Variants in VPS13B observed in about 807,000 individuals in gnomAD.
VPS13B encodes vacuolar protein sorting 13 homolog B.
In VPS13B, 285 loss-of-function variants were observed where a neutral mutation model predicts 426.4. The observed-to-expected ratio is 0.67, with a 90% CI of 0.61 to 0.74. The LOEUF (loss-of-function observed/expected upper bound fraction) is 0.74. VPS13B is among the 30% of genes least tolerant of loss of function. The pLI, the probability that VPS13B is intolerant of heterozygous loss-of-function variation, is 0.00. For synonymous variants in VPS13B, 1,676 were observed against 1,676.4 expected (o/e 1.00, Z 0.01); for missense variants, 4,537 against 4,782.6 (o/e 0.95, Z 1.51).
At chr8:99,475,750 G>A (rs1397911984) in intron 24 of VPS13B, among the ~76,000 whole-genome samples, 2 of 152,086 alleles carry the variant, frequency 1.3e-5, no homozygotes, top group Non-Finnish European at 2.9e-5. Flanking sequence ...CTTCCCTGTT[G>A]TCCTTTCTTC....
intron 54 of VPS13B, among the ~76,000 whole-genome samples, chr8:99,836,748 A>G (rs1169918380): frequency 2.6e-5 from 4 of 152,256 alleles, no homozygotes; most frequent in African/African-American, 9.6e-5. Context: ...AAATGCATTT[A>G]CGGTAGTAAT....
rs1315338682 is a variant in VPS13B at position 99,274,229 on chromosome 8, T to G, written c.2547T>G (p.Leu849=). ...AATCTAAGAATCCCCTGCCAACTCT[T>G]GAGGGCTCAATCCAGAATGTTGAAT... ...GVKSKNPLPT[L]EGSIQNVELK... The change falls in exon 18 of 62, where the codon CTT becomes CTG. Residue 849 remains leucine (L), a synonymous_variant. Coordinates refer to ENST00000357162, the MANE Select transcript of VPS13B (RefSeq NM_152564.5). The G allele has an allele frequency of 6.2e-7, 1 of 1,614,070 alleles. No individual in the cohort carries two copies. The highest frequency in any genetic ancestry group is 8.5e-7 in the Non-Finnish European group (1 of 1,180,040).
At chr8:99,819,850 T>C in intron 48 of VPS13B, 71 bp from the exon 49 acceptor site, 1 of 1,572,620 alleles carries the variant, frequency 6.4e-7, no homozygotes, top group African/African-American at 1.3e-5. Flanking sequence ...GTTTGGAATC[T>C]TTAAACATAT....
At chr8:99,221,559 A>C (rs955197723) in intron 17 of VPS13B, among the ~76,000 whole-genome samples, 1 of 152,252 alleles carries the variant, frequency 6.6e-6, no homozygotes, top group African/African-American at 2.4e-5. Context: ...GTTACACAGA[A>C]AAAAACATAC....
rs371122141 is a variant in VPS13B at position 99,559,488 on chromosome 8, G to A, written c.4949+2835G>A. On this transcript the variant is annotated intron_variant, in intron 31 of 61. Coordinates refer to ENST00000357162, the MANE Select transcript of VPS13B (RefSeq NM_152564.5). ...AGTCATGAAGTCCTTGCCCATGCCT[G>A]TGTCCTGAATGGTATTGCCTAGGTT... 2.7e-4 allele frequency among the ~76,000 whole-genome samples: 41 copies of A among 152,154 alleles called. No homozygotes were observed. In the East Asian group the frequency reaches 4.6e-3, roughly 17 times the overall value.
At chr8:99,653,442 A>C (rs908307790) in intron 34 of VPS13B, among the ~76,000 whole-genome samples, 1 of 151,312 alleles carries the variant, frequency 6.6e-6, no homozygotes, top group African/African-American at 2.4e-5. Flanking sequence ...GATTAAGTTG[A>C]TCTTCCTTGG....
At chr8:99,275,396 T>A (rs1234848295) in intron 19 of VPS13B, 142 bp downstream of exon 19, 1 of 762,884 alleles carries the variant, frequency 1.3e-6, no homozygotes, top group Non-Finnish European at 2.0e-6. Flanking sequence ...TTTTTCAAAA[T>A]TCAAATGAAG....
intron 39 of VPS13B, among the ~76,000 whole-genome samples, chr8:99,752,792 T>C (rs867370815): frequency 3.9e-5 from 6 of 152,322 alleles, no homozygotes; most frequent in Middle Eastern, 3.4e-3. Context: ...AACTTGAAAA[T>C]AAATTTTGAA....
chr8:99,404,470 A>G (rs949737449), intron 21 of VPS13B, among the ~76,000 whole-genome samples: 2 of 152,202 alleles, frequency 1.3e-5, no homozygotes, highest in African/African-American at 4.8e-5. Context: ...TGCAGAATCC[A>G]AAAGCTGTTA....
chr8:99,462,965 A>G (rs1818915370), intron 23 of VPS13B, among the ~76,000 whole-genome samples: 1 of 152,198 alleles, frequency 6.6e-6, no homozygotes, highest in Non-Finnish European at 1.5e-5. Flanking sequence ...TCTATTGTTT[A>G]AGCCACTAGT....
At chr8:99,502,760 T>C (rs1821311598) in intron 26 of VPS13B, 76 bp from the exon 27 acceptor site, 1 of 1,119,034 alleles carries the variant, frequency 8.9e-7, no homozygotes, top group Admixed American at 1.7e-5. Context: ...CATTTGTCAA[T>C]GTGAAATGTA....
At chr8:99,273,199 G>A (rs1046958631) in intron 17 of VPS13B, among the ~76,000 whole-genome samples, 3 of 142,974 alleles carry the variant, frequency 2.1e-5, no homozygotes, top group Admixed American at 7.3e-5. Flanking sequence ...TCTCTCTGTC[G>A]CTAGGCTGGA....
intron 51 of VPS13B, among the ~76,000 whole-genome samples, chr8:99,829,090 T>C (rs1420537384): frequency 6.6e-6 from 1 of 152,226 alleles, no homozygotes; most frequent in Non-Finnish European, 1.5e-5. Context: ...GGGGTTGCTC[T>C]TCTTGAGGAG....
At chr8:99,073,152 T>G (rs1317703399) in intron 3 of VPS13B, among the ~76,000 whole-genome samples, 1 of 152,124 alleles carries the variant, frequency 6.6e-6, no homozygotes, top group Non-Finnish European at 1.5e-5. Flanking sequence ...CTGGGAATGC[T>G]CTGGGTCACA....
intron 35 of VPS13B, among the ~76,000 whole-genome samples, chr8:99,664,652 C>A (rs373563959): frequency 8.1e-4 from 123 of 152,154 alleles, no homozygotes; most frequent in African/African-American, 2.8e-3. Flanking sequence ...TGAACTCATC[C>A]TTTTTTATGG....
chr8:99,293,078 C>T (rs1428602344), intron 19 of VPS13B, among the ~76,000 whole-genome samples: 7 of 151,764 alleles, frequency 4.6e-5, no homozygotes, highest in South Asian at 2.1e-4. Flanking sequence ...GAGCCCGCAT[C>T]GCCAAGTCAA....
chr8:99,656,819 A>G (rs922978625), intron 34 of VPS13B, among the ~76,000 whole-genome samples: 1 of 152,182 alleles, frequency 6.6e-6, no homozygotes, highest in African/African-American at 2.4e-5. Context: ...ACTTACCTCT[A>G]TCAATGTTAA....
chr8:99,051,269 C>G (rs1196428168), intron 3 of VPS13B, among the ~76,000 whole-genome samples: 1 of 152,124 alleles, frequency 6.6e-6, no homozygotes, highest in East Asian at 1.9e-4. Flanking sequence ...TTTCCCAGCA[C>G]CATTTATTAA....
In VPS13B at chr8:99,147,945, T is replaced by C. The variant is rs1445340623; in HGVS notation, c.1948T>C (p.Cys650Arg). The C allele has an allele frequency of 6.2e-7, 1 of 1,613,880 alleles. No homozygotes were observed. The highest frequency in any genetic ancestry group is 8.5e-7 in the Non-Finnish European group (1 of 1,179,870). The change falls in exon 14 of 62, where the codon TGC becomes CGC. Residue 650 changes from cysteine to arginine, a missense_variant. Transcript: ENST00000357162. ...HTSVTLLKCT[C>R]TISMAEFNLL... is the part of the protein sequence containing the mutation. Reference sequence around the variant, plus strand: ...AAGTGTTACTCTCCTCAAATGTACCTGCACAATTTCCATGGCTGAATTCAA... The same window carrying C: ...AAGTGTTACTCTCCTCAAATGTACCCGCACAATTTCCATGGCTGAATTCAA...
Sources: gnomAD v4.1 joint callset for allele counts (sites outside exome capture counted in the v4.1 genomes callset) on GRCh38, gnomAD v4.1.1 for gene constraint, MANE v1.5 for transcripts, NCBI Gene and HGNC (gene_info 2026-07-23, HGNC 2026-07-21) for gene names.